The following TPTE variants were observed in gnomAD, a reference collection of about 807,000 sequenced individuals.
TPTE encodes putative tyrosine-protein phosphatase TPTE.
A neutral mutation model predicts 84.1 loss-of-function variants in TPTE; 59 were observed. The observed-to-expected ratio is 0.70, with a 90% CI of 0.57 to 0.87. The LOEUF (loss-of-function observed/expected upper bound fraction) is 0.87, where lower values mean the gene tolerates loss of function less well. Among genes scored for constraint, TPTE ranks in the 40% least tolerant of loss-of-function variants. TPTE has a pLI of 0.00. For synonymous variants in TPTE, 130 were observed against 223.5 expected (o/e 0.58, Z 3.73); for missense variants, 382 against 659.6 (o/e 0.58, Z 4.61).
intron 14 of TPTE, among the ~76,000 whole-genome samples, chr21:10,572,030 G>C (rs1259186549): frequency 6.6e-6 from 1 of 152,238 alleles, no homozygotes; most frequent in Non-Finnish European, 1.5e-5. Context: ...ATACAATCAA[G>C]AGCTTTAAAA....
At chr21:10,596,799 A>G (rs2075597441) in intron 20 of TPTE, among the ~76,000 whole-genome samples, 1 of 152,302 alleles carries the variant, frequency 6.6e-6, no homozygotes, top group Non-Finnish European at 1.5e-5. Context: ...TGGTGTCCAC[A>G]CAGACAGCCT....
At chr21:10,581,922 A>G (rs1250353237) in intron 17 of TPTE, among the ~76,000 whole-genome samples, 1 of 152,308 alleles carries the variant, frequency 6.6e-6, no homozygotes, top group African/African-American at 2.4e-5. Flanking sequence ...TTTTATAGAG[A>G]CAGGGTCTCA....
intron 17 of TPTE, among the ~76,000 whole-genome samples, chr21:10,589,148 G>A (rs1302019153): frequency 2.0e-5 from 3 of 152,302 alleles, no homozygotes; most frequent in Admixed American, 1.3e-4. Flanking sequence ...GTTTGGGTAG[G>A]ATTTTTCTTT....
chr21:10,599,222 C>T (rs1366075379), intron 21 of TPTE, among the ~76,000 whole-genome samples: 188 of 152,070 alleles, frequency 1.2e-3, no homozygotes, highest in African/African-American at 4.4e-3. Flanking sequence ...AGTCATCAAT[C>T]TCTGTTGATT....
intron 2 of TPTE, among the ~76,000 whole-genome samples, chr21:10,525,357 C>T (rs1157563381): frequency 1.2e-4 from 19 of 152,406 alleles, no homozygotes; most frequent in East Asian, 9.7e-4. Flanking sequence ...TATTTAGAGA[C>T]GACACCCAAG....
At chr21:10,548,953 C>T (rs2074522378) in intron 7 of TPTE, among the ~76,000 whole-genome samples, 3 of 152,312 alleles carry the variant, frequency 2.0e-5, no homozygotes, top group Admixed American at 6.5e-5. Flanking sequence ...GCACCATGGC[C>T]AGCGGCATAA....
rs528326085 is a variant in TPTE, at chr21:10,543,187, G to A, written c.120-142G>A. Reference sequence around the variant, plus strand: ...TGGGACTACAGGCGCCCGCCACCGCGCCCAGCTAATTTTTTTTTGTATTTT... The same window carrying A: ...TGGGACTACAGGCGCCCGCCACCGCACCCAGCTAATTTTTTTTTGTATTTT... On this transcript the variant is annotated intron_variant, in intron 6 of 23. Transcript: ENST00000618007. 36 of 1,154,836 alleles carry A rather than the reference G, an allele frequency of 3.1e-5. 1 individual carries two copies. Among genetic ancestry groups the A allele is most frequent in the African/African-American group, 6.8e-5 (3 of 44,146 alleles). The allele number at this position is 1,154,836 out of a possible 1,614,324, so 71.5% of individuals were successfully genotyped here. A position where few individuals can be genotyped will look rare whatever the true frequency, so the allele number is the denominator to read the frequency against.
chr21:10,573,654 C>T (rs1237662237), intron 14 of TPTE, among the ~76,000 whole-genome samples: 2 of 152,306 alleles, frequency 1.3e-5, no homozygotes, highest in South Asian at 2.1e-4. Flanking sequence ...ACATTGTATA[C>T]AAGTATTGAG....
chr21:10,525,920 C>A (rs1316017914), intron 2 of TPTE, among the ~76,000 whole-genome samples: 1 of 152,308 alleles, frequency 6.6e-6, no homozygotes, highest in African/African-American at 2.4e-5. Context: ...TGGCTTGTCA[C>A]CTGAATCTGG....
intron 8 of TPTE, among the ~76,000 whole-genome samples, chr21:10,556,212 G>A (rs1193720127): frequency 6.6e-6 from 1 of 152,420 alleles, no homozygotes; most frequent in South Asian, 2.1e-4. Context: ...CCCATGACAG[G>A]CCCTGGTGTG....
At position 10,538,707 on chromosome 21, in the gene TPTE, T is replaced by C; in HGVS notation, c.-17T>C. On this transcript the variant is annotated 5_prime_UTR_variant, in exon 4 of 24. It removes the in-frame stop codon of an upstream open reading frame in the 5' UTR. Coordinates refer to ENST00000618007, the MANE Select transcript of TPTE (RefSeq NM_199261.4). ...CCACCCACAAATGAATTATCAGGAG[T>C]GAACCCAGAGGCACGTATGAATGAA... 1 of 1,614,078 alleles carries C rather than the reference T, an allele frequency of 6.2e-7. No individual in the cohort carries two copies.
chr21:10,535,957 T>C (rs1278579715), intron 3 of TPTE, among the ~76,000 whole-genome samples: 1 of 152,310 alleles, frequency 6.6e-6, no homozygotes, highest in Non-Finnish European at 1.5e-5. Context: ...GAGGCATGTT[T>C]CCTTACAGAC....
At chr21:10,532,793 A>T (rs2074201378) in intron 3 of TPTE, among the ~76,000 whole-genome samples, 1 of 152,306 alleles carries the variant, frequency 6.6e-6, no homozygotes, top group Admixed American at 6.5e-5. Context: ...TTTTTAAAAA[A>T]AGCTAATCAT....
intron 17 of TPTE, among the ~76,000 whole-genome samples, chr21:10,589,345 T>C (rs1029099537): frequency 6.6e-6 from 1 of 152,286 alleles, no homozygotes; most frequent in African/African-American, 2.4e-5. Flanking sequence ...GATGGCGCCA[T>C]GGGTAAGAGC....
At chr21:10,540,932 G>C (rs534872786) in intron 4 of TPTE, among the ~76,000 whole-genome samples, 180 bp from the exon 5 acceptor site, 36 of 152,408 alleles carry the variant, frequency 2.4e-4, no homozygotes, top group Admixed American at 2.4e-3. Flanking sequence ...CTCACTGTTG[G>C]CATATGAAAC....
In TPTE at chr21:10,605,565, C is replaced by A; in HGVS notation, c.*13C>A. On this transcript the variant is annotated 3_prime_UTR_variant, in exon 24 of 24. Coordinates refer to ENST00000618007, the MANE Select transcript of TPTE (RefSeq NM_199261.4). ...TGGATCCGATTAAGTATAGCTCCCCCTTCCCCTTCTGGGAAAGAATTATGT... is the reference window on the plus strand; with the variant it reads ...TGGATCCGATTAAGTATAGCTCCCCATTCCCCTTCTGGGAAAGAATTATGT... The A allele has an allele frequency of 6.2e-7, 1 of 1,613,596 alleles. No individual in the cohort carries two copies. The highest frequency in any genetic ancestry group is 8.5e-7 in the Non-Finnish European group (1 of 1,179,874).
At chr21:10,524,331 C>T (rs1346405820) in intron 1 of TPTE, among the ~76,000 whole-genome samples, 8 of 152,306 alleles carry the variant, frequency 5.3e-5, no homozygotes, top group African/African-American at 1.9e-4. Flanking sequence ...GGGGGGACCA[C>T]TAATTGACAT....
In TPTE at chr21:10,570,462, A is replaced by G. The variant is rs766099188; in HGVS notation, c.731-23A>G. The stretch of plus-strand genomic sequence containing the variant: ...TATGAAATCTATAATAATGTTTGTA[A>G]TAGTGATGATTTTGACTTTTAGAAC... On this transcript the variant is annotated intron_variant, in intron 13 of 23. Coordinates refer to ENST00000618007, the MANE Select transcript of TPTE (RefSeq NM_199261.4). The G allele has an allele frequency of 2.5e-6, 4 of 1,614,128 alleles. No individual in the cohort carries two copies. In the East Asian group the frequency reaches 6.7e-5, roughly 27 times the overall value.
intron 2 of TPTE, among the ~76,000 whole-genome samples, 154 bp from the exon 3 acceptor site, chr21:10,527,201 A>G (rs1279447038): frequency 9.2e-5 from 14 of 152,252 alleles, no homozygotes; most frequent in African/African-American, 3.1e-4. Context: ...TCTCAGAAGT[A>G]CTAGTGCTGT....
Sources: gnomAD v4.1 joint callset for allele counts (sites outside exome capture counted in the v4.1 genomes callset) on GRCh38, gnomAD v4.1.1 for gene constraint, MANE v1.5 for transcripts, NCBI Gene and HGNC (gene_info 2026-07-23, HGNC 2026-07-21) for gene names.